Variants in CAMK1D observed in about 807,000 individuals in gnomAD.
CAMK1D encodes calcium/calmodulin-dependent protein kinase type 1D.
CAMK1D carries 9 observed loss-of-function variants against 47.7 expected under a neutral mutation model. The observed-to-expected ratio is 0.19, with a 90% CI of 0.11 to 0.33. CAMK1D has a LOEUF of 0.33. CAMK1D is among the 10% of genes least tolerant of loss of function. The probability of loss-of-function intolerance (pLI) is 1.00; values close to 1 mark genes in which losing one functional copy is unlikely to be tolerated. For missense variants in CAMK1D, 291 were observed against 488.7 expected, an observed-to-expected ratio of 0.60 and a Z score of 3.81; for synonymous variants, 184 against 184.9, an observed-to-expected ratio of 0.99 and a Z score of 0.04.
At chr10:12,447,281 C>G (rs190463557) in intron 1 of CAMK1D, among the ~76,000 whole-genome samples, 55 of 152,328 alleles carry the variant, frequency 3.6e-4, no homozygotes, top group African/African-American at 1.3e-3. Flanking sequence ...TCCCATGTCA[C>G]TCTTTCTGCA....
intron 2 of CAMK1D, among the ~76,000 whole-genome samples, chr10:12,582,453 A>G (rs1039976752): frequency 2.0e-5 from 3 of 152,076 alleles, no homozygotes; most frequent in East Asian, 1.9e-4. Context: ...TGGGAATTGC[A>G]TGCTTTTGGC....
chr10:12,492,847 G>C (rs1834427030), intron 1 of CAMK1D, among the ~76,000 whole-genome samples: 1 of 152,170 alleles, frequency 6.6e-6, no homozygotes, highest in African/African-American at 2.4e-5. Flanking sequence ...AAGAACGGCT[G>C]CTCCTTTGCT....
At chr10:12,357,141 C>T (rs980217559) in intron 1 of CAMK1D, among the ~76,000 whole-genome samples, 19 of 151,992 alleles carry the variant, frequency 1.3e-4, no homozygotes, top group Admixed American at 8.5e-4. Flanking sequence ...ACTTGCCCAC[C>T]GGGGATATGT....
chr10:12,452,203 A>G lies in CAMK1D; in HGVS notation c.93-101022A>G, dbSNP rs148927805. Among the ~76,000 whole-genome samples the G allele has an allele frequency of 4.1e-4, 62 of 152,260 alleles. No individual in the cohort carries two copies. In the East Asian group the frequency reaches 9.4e-3, roughly 23 times the overall value. Reference sequence around the variant, plus strand: ...ACCTTTGTTCACATTAATGGAGCAGATGATTGCATTGCATTTTTTGGGTTC... The same window carrying G: ...ACCTTTGTTCACATTAATGGAGCAGGTGATTGCATTGCATTTTTTGGGTTC... On this transcript the variant is annotated intron_variant, in intron 1 of 10. Transcript: ENST00000619168.
chr10:12,453,276 G>A (rs951382489), intron 1 of CAMK1D, among the ~76,000 whole-genome samples: 4 of 150,222 alleles, frequency 2.7e-5, no homozygotes, highest in Non-Finnish European at 4.4e-5. Context: ...TGCAAGCTCC[G>A]CCTCCTGGGT....
At chr10:12,568,899 A>G (rs1417362548) in intron 2 of CAMK1D, among the ~76,000 whole-genome samples, 1 of 152,212 alleles carries the variant, frequency 6.6e-6, no homozygotes, top group African/African-American at 2.4e-5. Flanking sequence ...TAAGTCCATT[A>G]TTATTATTCA....
At chr10:12,518,176 CTG>C in intron 1 of CAMK1D, among the ~76,000 whole-genome samples, 1 of 152,304 alleles carries the variant, frequency 6.6e-6, no homozygotes, top group Non-Finnish European at 1.5e-5. Context: ...CATTAGCAAA[CTG>C]AAGCCCACAG....
chr10:12,651,121 T>G (rs11257929), intron 2 of CAMK1D, among the ~76,000 whole-genome samples: 12,671 of 152,194 alleles, frequency 0.083, 629 homozygotes, highest in African/African-American at 0.14. Flanking sequence ...ACCCCTCCAC[T>G]GTTTTCAGCG....
intron 1 of CAMK1D, among the ~76,000 whole-genome samples, chr10:12,530,443 A>G (rs954893229): frequency 6.6e-6 from 1 of 152,192 alleles, no homozygotes; most frequent in Non-Finnish European, 1.5e-5. Context: ...TGATCTCTGC[A>G]TCATCCAGGT....
chr10:12,479,585 C>T (rs1834004033), intron 1 of CAMK1D, among the ~76,000 whole-genome samples: 1 of 152,234 alleles, frequency 6.6e-6, no homozygotes, highest in Admixed American at 6.5e-5. Flanking sequence ...TGTGCTGAGT[C>T]TCCCACTCAG....
At chr10:12,582,600 G>A (rs1837694691) in intron 2 of CAMK1D, among the ~76,000 whole-genome samples, 1 of 152,048 alleles carries the variant, frequency 6.6e-6, no homozygotes, top group South Asian at 2.1e-4. Flanking sequence ...CCTTGGTTAG[G>A]TATATTACCA....
At chr10:12,739,296 CAG>C (rs1835320576) in intron 3 of CAMK1D, among the ~76,000 whole-genome samples, 1 of 152,020 alleles carries the variant, frequency 6.6e-6, no homozygotes, top group African/African-American at 2.4e-5. Flanking sequence ...CCCCCCGAGA[CAG>C]AGTCTTGCTC....
At chr10:12,543,469 T>C (rs1440596950) in intron 1 of CAMK1D, among the ~76,000 whole-genome samples, 1 of 152,122 alleles carries the variant, frequency 6.6e-6, no homozygotes, top group Non-Finnish European at 1.5e-5. Context: ...TAATTGGTAG[T>C]GAGGAGGGAG....
intron 3 of CAMK1D, among the ~76,000 whole-genome samples, chr10:12,694,867 A>C (rs191227820): frequency 6.6e-6 from 1 of 152,118 alleles, no homozygotes; most frequent in East Asian, 1.9e-4. Flanking sequence ...AAAGTATTAC[A>C]AAGAAACAAA....
At chr10:12,556,202 GAGC>G (rs762780490) in intron 2 of CAMK1D, among the ~76,000 whole-genome samples, 4 of 152,118 alleles carry the variant, frequency 2.6e-5, no homozygotes, top group African/African-American at 4.8e-5. Flanking sequence ...TCCACATCAT[GAGC>G]AGCTGAAAGC....
chr10:12,570,121 A>C (rs2132312336), intron 2 of CAMK1D, among the ~76,000 whole-genome samples: 1 of 152,014 alleles, frequency 6.6e-6, no homozygotes, highest in Middle Eastern at 3.4e-3. Flanking sequence ...AATTGCTTGA[A>C]CCCAGGAGGT....
intron 5 of CAMK1D, among the ~76,000 whole-genome samples, chr10:12,776,943 T>C (rs988183656): frequency 1.3e-5 from 2 of 152,180 alleles, no homozygotes; most frequent in African/African-American, 4.8e-5. Context: ...ATCAGGCAGC[T>C]CAAGTATTTG....
chr10:12,799,014 G>A lies in CAMK1D; in HGVS notation c.641+7781G>A, dbSNP rs182568056. Among the ~76,000 whole-genome samples the A allele has an allele frequency of 6.6e-5, 10 of 152,284 alleles. No homozygotes were observed. The East Asian group carries it at 7.7e-4, about 12-fold the overall frequency. ...CACGGTGGGTGGCACAATAGCAAGC[G>A]GGTGGCTTCAGGCCCCATTTGTGAC... On this transcript the variant is annotated intron_variant, in intron 6 of 10. Transcript: ENST00000619168.
intron 1 of CAMK1D, among the ~76,000 whole-genome samples, chr10:12,460,076 C>T (rs572140298): frequency 8.5e-5 from 13 of 152,164 alleles, no homozygotes; most frequent in African/African-American, 1.7e-4. Flanking sequence ...CACCAGAAAT[C>T]GGCTTTGTTT....
Sources: gnomAD v4.1 joint callset for allele counts (sites outside exome capture counted in the v4.1 genomes callset) on GRCh38, gnomAD v4.1.1 for gene constraint, MANE v1.5 for transcripts, NCBI Gene and HGNC (gene_info 2026-07-23, HGNC 2026-07-21) for gene names.